PARD3: variants seen among roughly 807,000 people sequenced by gnomAD.
PARD3 encodes the protein par-3 family cell polarity regulator.
PARD3 carries 75 observed loss-of-function variants against 155.4 expected under a neutral mutation model. The ratio of observed to expected loss-of-function variants is 0.48; its 90% CI spans 0.40 to 0.58. The LOEUF (loss-of-function observed/expected upper bound fraction) is 0.58. PARD3 is among the 20% of genes least tolerant of loss of function. The pLI is 0.00. For synonymous variants in PARD3, 576 were observed against 610.5 expected (o/e 0.94, Z 0.83); for missense variants, 1,642 against 1,721.7 (o/e 0.95, Z 0.82).
intron 19 of PARD3, among the ~76,000 whole-genome samples, chr10:34,327,146 C>T (rs866503260): frequency 2.2e-4 from 33 of 152,268 alleles, no homozygotes; most frequent in Admixed American, 5.2e-4. Flanking sequence ...GAGGAGAAGT[C>T]GCTTGCTGAG....
At chr10:34,662,743 A>C (rs2093354518) in intron 2 of PARD3, among the ~76,000 whole-genome samples, 1 of 152,026 alleles carries the variant, frequency 6.6e-6, no homozygotes. Flanking sequence ...GTGGTATTAG[A>C]TGCCTGTAAT....
chr10:34,120,972 C>T (rs575705055), intron 23 of PARD3, among the ~76,000 whole-genome samples: 3 of 151,650 alleles, frequency 2.0e-5, no homozygotes, highest in South Asian at 2.1e-4. Flanking sequence ...ACAGGAGGAC[C>T]GCTTGAGCCT....
At chr10:34,449,611 G>GA (rs199617519) in intron 5 of PARD3, among the ~76,000 whole-genome samples, 25 of 146,008 alleles carry the variant, frequency 1.7e-4, no homozygotes, top group African/African-American at 2.3e-4. Context: ...AAAAAAAGTG[G>GA]AAAAAAAAAA....
At chr10:34,297,817 C>T (rs1025155673) in intron 20 of PARD3, among the ~76,000 whole-genome samples, 9 of 152,208 alleles carry the variant, frequency 5.9e-5, no homozygotes, top group Non-Finnish European at 1.2e-4. Flanking sequence ...ACCCAACATC[C>T]ATTCTCTTCT....
intron 4 of PARD3, among the ~76,000 whole-genome samples, chr10:34,454,804 G>C (rs898231462): frequency 6.6e-5 from 10 of 152,146 alleles, no homozygotes; most frequent in Non-Finnish European, 1.3e-4. Context: ...TACTGCCACA[G>C]CATCAGGTGT....
chr10:34,728,583 G>A (rs2133796434), intron 1 of PARD3, among the ~76,000 whole-genome samples: 1 of 152,292 alleles, frequency 6.6e-6, no homozygotes, highest in East Asian at 1.9e-4. Context: ...TCCTAATGCT[G>A]CTAATCAGTT....
Position 34,382,532 on chromosome 10 carries a change from G to A in PARD3, c.1399+8C>T. ...AATTCCACAAAACAAAAACAGGATA[G>A]GTCGTACCTTTCTTAAGCTGGATAT... On this transcript the variant is annotated splice_region_variant and intron_variant, in intron 9 of 24. Coordinates refer to ENST00000374788, the MANE Select transcript of PARD3 (RefSeq NM_001184785.2). 2 of 1,609,526 alleles carry A rather than the reference G, an allele frequency of 1.2e-6. No individual in the cohort carries two copies. The highest frequency in any genetic ancestry group is 1.7e-6 in the Non-Finnish European group (2 of 1,179,108).
At chr10:34,772,452 C>T (rs1312987030) in intron 1 of PARD3, among the ~76,000 whole-genome samples, 1 of 151,970 alleles carries the variant, frequency 6.6e-6, no homozygotes, top group African/African-American at 2.4e-5. Context: ...AAATGTAAGA[C>T]AGTATCTTTA....
chr10:34,572,348 C>T lies in PARD3; in HGVS notation c.223-55189G>A, dbSNP rs564410299. Among the ~76,000 whole-genome samples, 9 of 151,802 alleles carry T rather than the reference C, an allele frequency of 5.9e-5. No homozygotes were observed. In the South Asian group the frequency reaches 1.7e-3, roughly 28 times the overall value. ...ACAGTGAGACCCTGTCTCATTAAAA[C>T]CTAAAGAGGTGCAGACACGATGGCT... On this transcript the variant is annotated intron_variant, in intron 2 of 24. Transcript: ENST00000374788.
At position 34,462,304 on chromosome 10, in the gene PARD3, T is replaced by C. The variant is rs900335967; in HGVS notation, c.582+7781A>G. ...CCTTTAAGCTTTTGGATGGTTACCA[T>C]AATGCTGGAAGCTATGCTTGGCTCA... On this transcript the variant is annotated intron_variant, in intron 4 of 24. Coordinates refer to ENST00000374788, the MANE Select transcript of PARD3 (RefSeq NM_001184785.2). Among the ~76,000 whole-genome samples the C allele has an allele frequency of 2.6e-5, 4 of 152,294 alleles. No homozygotes were observed. The East Asian group carries it at 5.8e-4, about 22-fold the overall frequency.
At chr10:34,624,813 A>G (rs1766256935) in intron 2 of PARD3, among the ~76,000 whole-genome samples, 1 of 152,190 alleles carries the variant, frequency 6.6e-6, no homozygotes, top group South Asian at 2.1e-4. Context: ...TCCAGGGCCC[A>G]CGTCCCACTG....
chr10:34,343,941 G>A, intron 15 of PARD3: 4 of 981,510 alleles, frequency 4.1e-6, no homozygotes, highest in Non-Finnish European at 4.8e-6. Flanking sequence ...TGATACTAGA[G>A]GAAAACTGTG....
chr10:34,220,190 T>G (rs1952205098), intron 22 of PARD3, among the ~76,000 whole-genome samples: 1 of 152,126 alleles, frequency 6.6e-6, no homozygotes, highest in Non-Finnish European at 1.5e-5. Flanking sequence ...TCCTACAAGT[T>G]GTAAATCAAA....
At chr10:34,502,147 G>C (rs2080757502) in intron 3 of PARD3, among the ~76,000 whole-genome samples, 1 of 152,186 alleles carries the variant, frequency 6.6e-6, no homozygotes. Flanking sequence ...CCCAGTCTAA[G>C]GTATTCTGTT....
chr10:34,486,452 C>A (rs1163622550), intron 3 of PARD3, among the ~76,000 whole-genome samples: 1 of 152,028 alleles, frequency 6.6e-6, no homozygotes, highest in East Asian at 1.9e-4. Context: ...ATGAATGGGG[C>A]AGAAGGAAGA....
chr10:34,432,259 T>C (rs922402445), intron 5 of PARD3, among the ~76,000 whole-genome samples: 4 of 150,718 alleles, frequency 2.7e-5, no homozygotes, highest in African/African-American at 9.8e-5. Flanking sequence ...GAGACAAATA[T>C]TACATAGGTC....
intron 1 of PARD3, among the ~76,000 whole-genome samples, chr10:34,741,102 T>C (rs2095003185): frequency 6.6e-6 from 1 of 151,338 alleles, no homozygotes; most frequent in Non-Finnish European, 1.5e-5. Context: ...ATACTACATC[T>C]CTAAAGGCAG....
At chr10:34,711,409 T>G (rs1187868831) in intron 1 of PARD3, among the ~76,000 whole-genome samples, 1 of 151,954 alleles carries the variant, frequency 6.6e-6, no homozygotes, top group African/African-American at 2.4e-5. Flanking sequence ...TAATCCCAGC[T>G]ACTCGGGAGG....
chr10:34,778,814 G>C (rs1839902440), intron 1 of PARD3, among the ~76,000 whole-genome samples: 2 of 152,078 alleles, frequency 1.3e-5, no homozygotes, highest in Admixed American at 1.3e-4. Context: ...TAAAATACCT[G>C]GTATGATTAA....
Sources: gnomAD v4.1 joint callset for allele counts (sites outside exome capture counted in the v4.1 genomes callset) on GRCh38, gnomAD v4.1.1 for gene constraint, MANE v1.5 for transcripts, NCBI Gene and HGNC (gene_info 2026-07-23, HGNC 2026-07-21) for gene names.